MAPKAP1: variants seen among roughly 807,000 people sequenced by gnomAD.
MAPKAP1 encodes the protein MAPK associated protein 1, also known as target of rapamycin complex 2 subunit MAPKAP1.
Under a neutral mutation model 65.7 loss-of-function variants are expected in MAPKAP1, and 20 were observed. The observed-to-expected ratio is 0.30, with a 90% CI of 0.21 to 0.44. MAPKAP1 has a LOEUF of 0.44. Ranked by LOEUF, MAPKAP1 falls within the 20% of genes least tolerant of loss-of-function variation. MAPKAP1 has a pLI of 1.00. For synonymous variants in MAPKAP1, 222 were observed against 244.3 expected (o/e 0.91, Z 0.85); for missense variants, 423 against 648.0 (o/e 0.65, Z 3.77).
rs560569782 is a variant in MAPKAP1 at position 125,506,604 on chromosome 9, G to A, written c.959-187C>T. On this transcript the variant is annotated intron_variant, in intron 7 of 11. Transcript: ENST00000265960. ...TGCATAAGGCTTCACATTCTTCACT[G>A]TTCTATTATCAAGTCTGTTGCCACT... Among the ~76,000 whole-genome samples, 12 of 152,342 alleles carry A rather than the reference G, an allele frequency of 7.9e-5. No individual in the cohort carries two copies. The South Asian group carries it at 1.7e-3, about 21-fold the overall frequency.
At chr9:125,499,864 G>A (rs1247920392) in intron 8 of MAPKAP1, among the ~76,000 whole-genome samples, 4 of 152,062 alleles carry the variant, frequency 2.6e-5, no homozygotes, top group Admixed American at 2.0e-4. Flanking sequence ...GTGTGTGCCC[G>A]TAATCATGGC....
At chr9:125,480,271 C>G (rs140126777) in intron 9 of MAPKAP1, among the ~76,000 whole-genome samples, 149 of 152,258 alleles carry the variant, frequency 9.8e-4, no homozygotes, top group African/African-American at 3.5e-3. Flanking sequence ...CACAAAATTC[C>G]TTACGACTAA....
At chr9:125,575,056 C>T (rs1831351393) in intron 5 of MAPKAP1, among the ~76,000 whole-genome samples, 1 of 152,182 alleles carries the variant, frequency 6.6e-6, no homozygotes. Context: ...TGAAGAATAA[C>T]TCAAATGAAG....
At chr9:125,528,750 G>A (rs1057181151) in intron 7 of MAPKAP1, among the ~76,000 whole-genome samples, 3 of 150,646 alleles carry the variant, frequency 2.0e-5, no homozygotes, top group African/African-American at 7.3e-5. Flanking sequence ...GGGAGGCTGA[G>A]GCAGGAGAAT....
chr9:125,497,428 T>C (rs1164630823), intron 8 of MAPKAP1, among the ~76,000 whole-genome samples: 1 of 152,236 alleles, frequency 6.6e-6, no homozygotes, highest in African/African-American at 2.4e-5. Flanking sequence ...TTCACCAGAC[T>C]TAATGAATAA....
chr9:125,579,132 T>C (rs565215783), intron 5 of MAPKAP1, among the ~76,000 whole-genome samples: 14 of 152,284 alleles, frequency 9.2e-5, no homozygotes, highest in Admixed American at 7.8e-4. Context: ...TGCATCAAAA[T>C]AAGCAGGAAA....
At chr9:125,588,266 C>T (rs1589316128) in intron 4 of MAPKAP1, among the ~76,000 whole-genome samples, 1 of 152,110 alleles carries the variant, frequency 6.6e-6, no homozygotes, top group African/African-American at 2.4e-5. Flanking sequence ...ATGGGTGTAC[C>T]ATGAAAACAT....
At chr9:125,685,997 C>T (rs893980075) in intron 1 of MAPKAP1, among the ~76,000 whole-genome samples, 2 of 152,138 alleles carry the variant, frequency 1.3e-5, no homozygotes, top group Non-Finnish European at 2.9e-5. Flanking sequence ...TTTCCACTTA[C>T]CTGGTCTTCA....
chr9:125,664,397 G>A (rs1311861831), intron 3 of MAPKAP1, among the ~76,000 whole-genome samples: 1 of 150,752 alleles, frequency 6.6e-6, no homozygotes, highest in Non-Finnish European at 1.5e-5. Context: ...ATTTACAAAA[G>A]ACCAATAACA....
chr9:125,561,696 C>T (rs761182380), intron 5 of MAPKAP1, among the ~76,000 whole-genome samples: 10 of 152,162 alleles, frequency 6.6e-5, no homozygotes, highest in Non-Finnish European at 1.0e-4. Flanking sequence ...AGAGAATAAG[C>T]TTCACCTCGA....
intron 4 of MAPKAP1, among the ~76,000 whole-genome samples, chr9:125,649,031 T>C (rs1244373697): frequency 6.6e-6 from 1 of 152,192 alleles, no homozygotes; most frequent in Non-Finnish European, 1.5e-5. Context: ...AGGCTGTCAT[T>C]TGATTTCTCT....
At chr9:125,483,676 G>A (rs529231233) in intron 9 of MAPKAP1, among the ~76,000 whole-genome samples, 1 of 152,186 alleles carries the variant, frequency 6.6e-6, no homozygotes, top group South Asian at 2.1e-4. Context: ...GTCAGACCAG[G>A]GTTTGCTCCT....
intron 8 of MAPKAP1, among the ~76,000 whole-genome samples, chr9:125,488,329 T>C (rs1009594837): frequency 1.3e-5 from 2 of 152,120 alleles, no homozygotes; most frequent in African/African-American, 4.8e-5. Flanking sequence ...ATGAATGGGA[T>C]CAACTTCTGG....
chr9:125,451,053 C>G (rs900010481), intron 10 of MAPKAP1: 1 of 152,366 alleles, frequency 6.6e-6, no homozygotes, highest in Non-Finnish European at 1.5e-5. Flanking sequence ...GCCTGACCTA[C>G]TTACATTTCT....
intron 7 of MAPKAP1, among the ~76,000 whole-genome samples, chr9:125,530,399 CTT>C (rs887006318): frequency 3.9e-5 from 6 of 152,184 alleles, no homozygotes; most frequent in Admixed American, 3.9e-4. Context: ...TATACTTCCT[CTT>C]TTAAATGTTT....
At chr9:125,523,481 TC>T (rs1829676665) in intron 7 of MAPKAP1, among the ~76,000 whole-genome samples, 1 of 152,186 alleles carries the variant, frequency 6.6e-6, no homozygotes, top group African/African-American at 2.4e-5. Context: ...AGTCCAGAAA[TC>T]ATCTTTGCAA....
intron 10 of MAPKAP1, among the ~76,000 whole-genome samples, chr9:125,453,836 GTCTT>G (rs1159433698): frequency 2.6e-5 from 4 of 152,176 alleles, no homozygotes; most frequent in Admixed American, 6.5e-5. Flanking sequence ...TATTGGAAAA[GTCTT>G]TAAGCGATGA....
rs150276501 is a variant in MAPKAP1, at chr9:125,660,044, A to G, written c.350-2245T>C. On this transcript the variant is annotated intron_variant, in intron 3 of 11. Transcript: ENST00000265960. ...CACTTGGTCCCCAGGACTCCACTCT[A>G]TCTGGCTTTTATACTGTCTCTCAGG... Among the ~76,000 whole-genome samples, 660 of 152,024 alleles carry G rather than the reference A, an allele frequency of 4.3e-3. 7 individuals carry two copies. The highest frequency in any genetic ancestry group is 0.015 in the African/African-American group (624 of 41,458).
Position 125,555,936 on chromosome 9 carries a change from G to T in MAPKAP1, c.848+3697C>A, listed in dbSNP as rs551004465. ...AAAGTCGGAGAAGAAAAATGTAGAA[G>T]TGGCAGAGATCTACTCAGTAACCCA... On this transcript the variant is annotated intron_variant, in intron 6 of 11. Transcript: ENST00000265960. 2.0e-5 allele frequency among the ~76,000 whole-genome samples: 3 copies of T among 151,358 alleles called. No individual in the cohort carries two copies. In the South Asian group the frequency reaches 6.3e-4, roughly 32 times the overall value.
Sources: gnomAD v4.1 joint callset for allele counts (sites outside exome capture counted in the v4.1 genomes callset) on GRCh38, gnomAD v4.1.1 for gene constraint, MANE v1.5 for transcripts, NCBI Gene and HGNC (gene_info 2026-07-23, HGNC 2026-07-21) for gene names.